Variants in FHDC1 observed in about 807,000 individuals in gnomAD.
FHDC1 encodes the protein FH2 domain containing 1, also known as FH2 domain-containing protein 1.
Under a neutral mutation model 52.6 loss-of-function variants are expected in FHDC1, and 25 were observed. The ratio of observed to expected loss-of-function variants is 0.48; its 90% CI spans 0.35 to 0.66. The LOEUF (loss-of-function observed/expected upper bound fraction) is 0.66. Among genes scored for constraint, FHDC1 ranks in the 30% least tolerant of loss-of-function variants. The pLI is 0.01. For synonymous variants in FHDC1, 616 were observed against 581.5 expected (o/e 1.06, Z -0.85); for missense variants, 1,459 against 1,452.8 (o/e 1.00, Z -0.07).
chr4:152,954,422 C>T (rs1740021505), intron 4 of FHDC1, 103 bp downstream of exon 4: 2 of 867,268 alleles, frequency 2.3e-6, no homozygotes, highest in African/African-American at 3.3e-5. Flanking sequence ...AGCAGTGGCT[C>T]ACACCTGTAA....
chr4:152,936,667 G>A (rs1739389269), intron 1 of FHDC1, among the ~76,000 whole-genome samples: 1 of 152,266 alleles, frequency 6.6e-6, no homozygotes, highest in Non-Finnish European at 1.5e-5. Flanking sequence ...GGAGAACAGC[G>A]ATCGGTCCCT....
chr4:152,916,545 T>G, the FHDC1 span, among the ~76,000 whole-genome samples: 1 of 149,322 alleles, frequency 6.7e-6, no homozygotes, highest in Non-Finnish European at 1.5e-5. Context: ...ACTAGTCTTT[T>G]TCTTTTTAAA....
intron 2 of FHDC1, among the ~76,000 whole-genome samples, chr4:152,948,613 C>T (rs1182855010): frequency 6.6e-6 from 1 of 152,050 alleles, no homozygotes; most frequent in African/African-American, 2.4e-5. Flanking sequence ...CCACCACGCC[C>T]AGCTAATTTT....
chr4:152,927,325 A>T, the FHDC1 span: 1 of 671,488 alleles, frequency 1.5e-6, no homozygotes, highest in South Asian at 1.8e-5. Flanking sequence ...GGTCAGGGGA[A>T]CCTCCACTCA....
chr4:152,927,720 A>C, the FHDC1 span: 2 of 1,497,444 alleles, frequency 1.3e-6, no homozygotes, highest in Non-Finnish European at 1.9e-6. Context: ...TTCCTTGATG[A>C]GGTTTCTCGA....
At chr4:152,928,314 C>G in the FHDC1 span, 1 of 532,192 alleles carries the variant, frequency 1.9e-6, no homozygotes, top group Admixed American at 3.1e-5. Flanking sequence ...TTGCCTGCAT[C>G]CTGTGCACAA....
chr4:152,965,040 A>T, intron 9 of FHDC1, 65 bp downstream of exon 9: 2 of 1,433,508 alleles, frequency 1.4e-6, no homozygotes, highest in Non-Finnish European at 1.9e-6. Context: ...TAAATAGTTA[A>T]AACTTTTAGA....
upstream of FHDC1, among the ~76,000 whole-genome samples, chr4:152,931,552 A>G (rs542656842): frequency 2.0e-5 from 3 of 152,100 alleles, no homozygotes; most frequent in East Asian, 5.8e-4. Flanking sequence ...AATACAGTAT[A>G]GATAGGCAGG....
At chr4:152,931,931 T>C (rs1201086737), upstream of FHDC1, among the ~76,000 whole-genome samples, 2 of 110,870 alleles carry the variant, frequency 1.8e-5, no homozygotes, top group Non-Finnish European at 1.7e-5. Flanking sequence ...AGCGAGAACC[T>C]GTCTAAAAAA....
chr4:152,960,709 A>T, intron 5 of FHDC1, 35 bp from the exon 6 acceptor site: 1 of 1,611,786 alleles, frequency 6.2e-7, no homozygotes, highest in South Asian at 1.1e-5. Context: ...AACTAATGAC[A>T]TCAAATTCTA....
intron 7 of FHDC1, 34 bp downstream of exon 7, chr4:152,962,918 T>G (rs769014919): frequency 1.2e-6 from 2 of 1,606,300 alleles, no homozygotes; most frequent in Non-Finnish European, 8.5e-7. Flanking sequence ...TAATGTTATG[T>G]TTTCAACCTT....
chr4:152,969,687 C>T (rs1283539682), intron 10 of FHDC1, among the ~76,000 whole-genome samples: 5 of 141,876 alleles, frequency 3.5e-5, no homozygotes, highest in Middle Eastern at 3.6e-3. Flanking sequence ...TTTTTTTTCC[C>T]GAGACAGAGT....
chr4:152,919,141 C>G, the FHDC1 span, among the ~76,000 whole-genome samples: 4 of 152,228 alleles, frequency 2.6e-5, no homozygotes, highest in Non-Finnish European at 5.9e-5. Flanking sequence ...ACTGGAGGCC[C>G]ACTGGCAACA....
At chr4:152,912,217 A>G in the FHDC1 span, 5 of 152,180 alleles carry the variant, frequency 3.3e-5, no homozygotes, top group Admixed American at 6.5e-5. Context: ...AAAAAAGTAA[A>G]TCAATATATT....
Position 152,976,494 on chromosome 4 carries a change from A to T in FHDC1, c.3203A>T (p.Gln1068Leu). The change falls in exon 12 of 12, where the codon CAG becomes CTG. Residue 1068 changes from glutamine (Q) to leucine (L), a missense_variant. Physicochemically the swap from Gln to Leu is moderately radical, Grantham distance 113. This residue lies in a region of FHDC1 where 939 missense variants were observed against 854.5 expected (regional missense o/e 1.10). Coordinates refer to ENST00000511601, the MANE Select transcript of FHDC1 (RefSeq NM_001371116.1). The part of the protein sequence containing the change: ...PGITRTVSQR[Q>L]LRVKGDPEDA... ...ATCACTCGGACAGTGTCGCAGCGGCAGCTGAGGGTGAAAGGGGACCCCGAG... is the reference window on the plus strand; with the variant it reads ...ATCACTCGGACAGTGTCGCAGCGGCTGCTGAGGGTGAAAGGGGACCCCGAG... 6.2e-7 allele frequency: 1 copy of T among 1,613,466 alleles called. No individual in the cohort carries two copies. Among genetic ancestry groups the T allele is most frequent in the Non-Finnish European group, 8.5e-7 (1 of 1,180,028 alleles).
In FHDC1 at chr4:152,956,721, G is replaced by A. The variant is rs371600147; in HGVS notation, c.663+2402G>A. On this transcript the variant is annotated intron_variant, in intron 4 of 11. Transcript: ENST00000511601. ...AAGTGCCTTCCCAGCCACTGAACCA[G>A]GCAGCAGCTGTTTCTCCCCACAACC... 2.0e-5 allele frequency among the ~76,000 whole-genome samples: 3 copies of A among 152,252 alleles called. No individual in the cohort carries two copies. The East Asian group carries it at 5.8e-4, about 29-fold the overall frequency.
In FHDC1 at chr4:152,975,059, G is replaced by A. The variant is rs757291632; in HGVS notation, c.1768G>A (p.Glu590Lys). The change falls in exon 12 of 12, where the codon GAA becomes AAA. Residue 590 changes from glutamate to lysine, a missense_variant. Glu to Lys is a moderately conservative substitution (Grantham distance 56). Coordinates refer to ENST00000511601, the MANE Select transcript of FHDC1 (RefSeq NM_001371116.1). ...RPTIACLEPA[E>K]VRHQDSSFAH... ...CACGATAGCCTGCCTGGAGCCTGCA[G>A]AAGTGAGGCACCAGGACTCCAGCTT... is the stretch of plus-strand genomic sequence containing the variant. The A allele has an allele frequency of 1.2e-6, 2 of 1,612,336 alleles. No individual in the cohort carries two copies. Among genetic ancestry groups the A allele is most frequent in the African/African-American group, 2.7e-5 (2 of 74,904 alleles).
chr4:152,912,683 A>G, the FHDC1 span, among the ~76,000 whole-genome samples: 1 of 152,168 alleles, frequency 6.6e-6, no homozygotes, highest in African/African-American at 2.4e-5. Flanking sequence ...CTGAACAATC[A>G]CCAACTGGAG....
the FHDC1 span, among the ~76,000 whole-genome samples, chr4:152,918,640 T>C: frequency 6.6e-6 from 1 of 152,212 alleles, no homozygotes; most frequent in Admixed American, 6.5e-5. Context: ...CCATCCCTCT[T>C]CTTCCCAAAC....
Sources: gnomAD v4.1 joint callset for allele counts (sites outside exome capture counted in the v4.1 genomes callset) on GRCh38, gnomAD v4.1.1 for gene constraint, gnomAD v4.1.1 regional missense constraint, MANE v1.5 for transcripts, NCBI Gene and HGNC (gene_info 2026-07-23, HGNC 2026-07-21) for gene names.